Variants in CSMD1 observed in about 807,000 individuals in gnomAD.
The protein encoded by CSMD1 is CUB and sushi domain-containing protein 1.
CSMD1 carries 213 observed loss-of-function variants against 417.5 expected under a neutral mutation model. The ratio of observed to expected loss-of-function variants is 0.51; its 90% confidence interval spans 0.46 to 0.57. The LOEUF is 0.57. CSMD1 is among the 20% of genes least tolerant of loss of function. The pLI is 0.00. For missense variants in CSMD1, 6,923 were observed against 4,529.7 expected, an observed-to-expected ratio of 1.53 and a Z score of -15.17; for synonymous variants, 2,862 against 1,736.8, an observed-to-expected ratio of 1.65 and a Z score of -16.11.
intron 3 of CSMD1, among the ~76,000 whole-genome samples, chr8:4,314,335 G>GT (rs1001270774): frequency 1.5e-3 from 222 of 152,302 alleles, no homozygotes; most frequent in Middle Eastern, 6.8e-3. Flanking sequence ...CCAACAGCCA[G>GT]TGCCTCCACC....
chr8:4,416,950 A>T (rs1353790433), intron 3 of CSMD1, among the ~76,000 whole-genome samples: 2 of 152,050 alleles, frequency 1.3e-5, no homozygotes, highest in Admixed American at 1.3e-4. Context: ...TGTAATCCTA[A>T]TAGTTTCTGT....
chr8:4,319,815 G>A (rs1048610745), intron 3 of CSMD1, among the ~76,000 whole-genome samples: 2 of 152,010 alleles, frequency 1.3e-5, no homozygotes, highest in South Asian at 2.1e-4. Flanking sequence ...GATGTGTAGA[G>A]GACCCTCGGG....
At chr8:4,103,006 C>A (rs949034790) in intron 3 of CSMD1, among the ~76,000 whole-genome samples, 1 of 152,082 alleles carries the variant, frequency 6.6e-6, no homozygotes, top group Non-Finnish European at 1.5e-5. Flanking sequence ...GTATTCTAAA[C>A]TTTTTACTCT....
intron 48 of CSMD1, 87 bp from the exon 49 acceptor site, chr8:3,087,372 T>C (rs1814616989): frequency 7.5e-7 from 1 of 1,333,398 alleles, no homozygotes; most frequent in Non-Finnish European, 1.1e-6. Context: ...TATAAATGAA[T>C]GGCTTCTCAT....
At chr8:3,539,180 A>T (rs1207376810) in intron 10 of CSMD1, among the ~76,000 whole-genome samples, 1 of 151,930 alleles carries the variant, frequency 6.6e-6, no homozygotes, top group Non-Finnish European at 1.5e-5. Context: ...GGGCTCTTGC[A>T]TTTGCTGTAA....
At chr8:4,775,466 T>C (rs1413861573) in intron 1 of CSMD1, among the ~76,000 whole-genome samples, 1 of 152,122 alleles carries the variant, frequency 6.6e-6, no homozygotes, top group Non-Finnish European at 1.5e-5. Flanking sequence ...CAATTAGAAA[T>C]TAAGATATTG....
intron 37 of CSMD1, among the ~76,000 whole-genome samples, chr8:3,178,848 ATCAGAAAATC>A (rs999142261): frequency 1.3e-5 from 2 of 152,178 alleles, no homozygotes; most frequent in African/African-American, 4.8e-5. Context: ...AATTTAAGAT[ATCAGAAAATC>A]TTTTGGCGAT....
rs532207109 is a variant in CSMD1 at position 3,641,248 on chromosome 8, T to C, written c.1010-24451A>G. Among the ~76,000 whole-genome samples the C allele has an allele frequency of 2.0e-5, 3 of 152,128 alleles. No individual in the cohort carries two copies. The South Asian group carries it at 6.2e-4, about 32-fold the overall frequency. On this transcript the variant is annotated intron_variant, in intron 7 of 69. Transcript: ENST00000635120. ...TGGCTGCTTCTCTGTGACTCATGGG[T>C]CCCTGAGCAAATCCAGGGGAGTAAG...
At chr8:3,619,285 G>C (rs1802299980) in intron 7 of CSMD1, among the ~76,000 whole-genome samples, 1 of 152,136 alleles carries the variant, frequency 6.6e-6, no homozygotes, top group African/African-American at 2.4e-5. Context: ...TTCAGTCCAG[G>C]TTGATCTCAA....
chr8:3,308,958 C>T (rs1009451104), intron 23 of CSMD1, among the ~76,000 whole-genome samples: 1 of 152,170 alleles, frequency 6.6e-6, no homozygotes, highest in South Asian at 2.1e-4. Flanking sequence ...TACCTGACTT[C>T]AGGCAATCCA....
Position 3,998,080 on chromosome 8 carries a change from C to A in CSMD1, c.641G>T (p.Gly214Val). 1 of 1,584,770 alleles carries A rather than the reference C, an allele frequency of 6.3e-7. No homozygotes were observed. Among genetic ancestry groups the A allele is most frequent in the Non-Finnish European group, 8.6e-7 (1 of 1,164,676 alleles). Residue 214 changes from glycine (G) to valine (V), a missense_variant, in exon 5 of 70, where the codon GGG becomes GTG. Coordinates refer to ENST00000635120, the MANE Select transcript of CSMD1 (RefSeq NM_033225.6). Reference protein sequence around the residue: ...AEGACGGTLRGTSSSISSPHF... With the variant: ...AEGACGGTLRVTSSSISSPHF... ...CGGGCTGGAGATGGAGCTGCTGGTCCCGCGTAAGGTTCCTCCGCAGGCTCC... is the reference window on the plus strand; with the variant it reads ...CGGGCTGGAGATGGAGCTGCTGGTCACGCGTAAGGTTCCTCCGCAGGCTCC...
At chr8:3,909,585 G>A (rs952895991) in intron 5 of CSMD1, among the ~76,000 whole-genome samples, 2 of 151,996 alleles carry the variant, frequency 1.3e-5, no homozygotes, top group Admixed American at 6.6e-5. Flanking sequence ...TGGCATAGAG[G>A]GAAAACTTCT....
intron 11 of CSMD1, among the ~76,000 whole-genome samples, chr8:3,470,555 G>A (rs937584961): frequency 6.6e-6 from 1 of 152,022 alleles, no homozygotes; most frequent in Non-Finnish European, 1.5e-5. Context: ...TGTGCATGTA[G>A]CTCTGCACAA....
At chr8:4,471,027 T>C (rs1166380222) in intron 2 of CSMD1, among the ~76,000 whole-genome samples, 4 of 152,184 alleles carry the variant, frequency 2.6e-5, no homozygotes, top group Admixed American at 2.0e-4. Context: ...CTATGAAATA[T>C]CTTTTGAACT....
At chr8:3,944,648 G>A (rs1811103691) in intron 5 of CSMD1, among the ~76,000 whole-genome samples, 1 of 152,106 alleles carries the variant, frequency 6.6e-6, no homozygotes, top group Admixed American at 6.6e-5. Flanking sequence ...ATAACTGGTG[G>A]ATTCATTTTT....
chr8:4,302,783 C>T (rs1798046666), intron 3 of CSMD1, among the ~76,000 whole-genome samples: 1 of 152,136 alleles, frequency 6.6e-6, no homozygotes, highest in South Asian at 2.1e-4. Flanking sequence ...AGAGTTGGCA[C>T]CGTCAGCCCC....
intron 3 of CSMD1, among the ~76,000 whole-genome samples, chr8:4,385,589 A>C (rs1462462433): frequency 2.0e-5 from 3 of 152,198 alleles, no homozygotes; most frequent in Non-Finnish European, 4.4e-5. Flanking sequence ...AGGAGTAAGA[A>C]TGTTATTAAT....
chr8:4,671,593 A>G (rs1805330256), intron 1 of CSMD1, among the ~76,000 whole-genome samples: 1 of 152,218 alleles, frequency 6.6e-6, no homozygotes, highest in Non-Finnish European at 1.5e-5. Context: ...AGTCTCAAAC[A>G]ACGTTATCTT....
chr8:3,748,254 T>G (rs1352188782), intron 6 of CSMD1, among the ~76,000 whole-genome samples: 2 of 152,198 alleles, frequency 1.3e-5, no homozygotes, highest in Admixed American at 6.5e-5. Flanking sequence ...AAAAACTATT[T>G]TTTTTCATGG....
Sources: gnomAD v4.1 joint callset for allele counts (sites outside exome capture counted in the v4.1 genomes callset) on GRCh38, gnomAD v4.1.1 for gene constraint, MANE v1.5 for transcripts, NCBI Gene and HGNC (gene_info 2026-07-23, HGNC 2026-07-21) for gene names.